The following NCAM2 variants were observed in gnomAD, a reference collection of about 807,000 sequenced individuals.
NCAM2 encodes the protein N-CAM-2.
Under a neutral mutation model 98.1 loss-of-function variants are expected in NCAM2, and 30 were observed. That is an observed-to-expected ratio of 0.31 (90% CI 0.23 to 0.41). The LOEUF is 0.41. Among genes scored for constraint, NCAM2 ranks in the 10% least tolerant of loss-of-function variants. The probability of loss-of-function intolerance (pLI) is 1.00; values close to 1 mark genes in which losing one functional copy is unlikely to be tolerated. For missense variants in NCAM2, 867 were observed against 1,005.8 expected, an observed-to-expected ratio of 0.86 and a Z score of 1.87; for synonymous variants, 368 against 342.4, an observed-to-expected ratio of 1.07 and a Z score of -0.83.
At chr21:21,029,635 A>T (rs955219165) in intron 1 of NCAM2, among the ~76,000 whole-genome samples, 2 of 151,870 alleles carry the variant, frequency 1.3e-5, no homozygotes, top group African/African-American at 2.4e-5. Flanking sequence ...TTGTTTATTT[A>T]TTTTTTATTT....
At chr21:21,132,164 T>C (rs538497325) in intron 1 of NCAM2, among the ~76,000 whole-genome samples, 2 of 152,292 alleles carry the variant, frequency 1.3e-5, no homozygotes, top group African/African-American at 4.8e-5. Flanking sequence ...CATCTTTAAA[T>C]TCATCTCCCT....
At position 20,998,575 on chromosome 21, in the gene NCAM2, C is replaced by T. The variant is rs368840931; in HGVS notation, c.12C>T (p.Leu4=). Residue 4 remains leucine, a synonymous_variant, in exon 1 of 18, where the codon CTC becomes CTT. Coordinates refer to ENST00000400546, the MANE Select transcript of NCAM2 (RefSeq NM_004540.5). ...GTCACGTCCTGAACATGAGCCTCCT[C>T]CTCTCCTTCTACCTGCTGGGGTTGC... MSL[L]LSFYLLGLLV... is the part of the protein sequence containing the mutation. 11 of 1,614,010 alleles carry T rather than the reference C, an allele frequency of 6.8e-6. No individual in the cohort carries two copies. The highest frequency in any genetic ancestry group is 7.6e-6 in the Non-Finnish European group (9 of 1,180,014).
chr21:21,036,477 A>G (rs186498004), intron 1 of NCAM2, among the ~76,000 whole-genome samples: 65 of 152,328 alleles, frequency 4.3e-4, no homozygotes, highest in African/African-American at 1.5e-3. Context: ...ATTTCTGTCT[A>G]TAAAACAAAT....
At chr21:21,371,882 C>T (rs2075923774) in intron 8 of NCAM2, among the ~76,000 whole-genome samples, 2 of 151,734 alleles carry the variant, frequency 1.3e-5, no homozygotes, top group Non-Finnish European at 2.9e-5. Context: ...CACACACACA[C>T]ACACACACAC....
chr21:21,039,539 T>C (rs890365453), intron 1 of NCAM2, among the ~76,000 whole-genome samples: 2 of 152,200 alleles, frequency 1.3e-5, no homozygotes, highest in Non-Finnish European at 2.9e-5. Flanking sequence ...ATACATGTAA[T>C]ACAATATCAC....
chr21:21,234,963 A>G (rs528036488), intron 1 of NCAM2, among the ~76,000 whole-genome samples: 1 of 152,208 alleles, frequency 6.6e-6, no homozygotes, highest in African/African-American at 2.4e-5. Flanking sequence ...GCCTACTTTT[A>G]TAATGGCATA....
intron 1 of NCAM2, among the ~76,000 whole-genome samples, chr21:21,076,284 C>G (rs1352995809): frequency 6.6e-6 from 1 of 151,916 alleles, no homozygotes; most frequent in African/African-American, 2.4e-5. Flanking sequence ...GAAACTTGGT[C>G]CCTTATAATT....
rs140778895 is a variant in NCAM2 at position 21,015,790 on chromosome 21, G to A, written c.55+17172G>A. 4.7e-3 allele frequency among the ~76,000 whole-genome samples: 710 copies of A among 152,128 alleles called. 10 individuals are homozygous for A. Among genetic ancestry groups the A allele is most frequent in the African/African-American group, 0.017 (696 of 41,488 alleles). On this transcript the variant is annotated intron_variant, in intron 1 of 17. Transcript: ENST00000400546. ...ACGATCTCGGCTCACTGCAACCTCC[G>A]CCTCTCGCGTTCAAGCAATTCTCCT... is the stretch of plus-strand genomic sequence containing the variant.
At chr21:21,413,884 T>G (rs1228745150) in intron 10 of NCAM2, among the ~76,000 whole-genome samples, 2 of 152,198 alleles carry the variant, frequency 1.3e-5, no homozygotes, top group African/African-American at 2.4e-5. Context: ...TCATGAAAGA[T>G]CTCTGTGTAG....
At chr21:21,436,854 C>T (rs232404) in intron 12 of NCAM2, among the ~76,000 whole-genome samples, 28 of 151,536 alleles carry the variant, frequency 1.8e-4, no homozygotes, top group African/African-American at 5.6e-4. Flanking sequence ...CTCCGCCTGC[C>T]GGGTTCAAGC....
intron 12 of NCAM2, among the ~76,000 whole-genome samples, chr21:21,436,649 A>G (rs190883760): frequency 1.4e-4 from 21 of 152,178 alleles, no homozygotes; most frequent in Non-Finnish European, 2.9e-4. Context: ...GAATACTGAA[A>G]TTTGGTGGAG....
chr21:21,427,771 GA>G (rs1322377359), intron 11 of NCAM2, among the ~76,000 whole-genome samples: 1 of 152,104 alleles, frequency 6.6e-6, no homozygotes, highest in Non-Finnish European at 1.5e-5. Flanking sequence ...GCTGAACATC[GA>G]TATTGTATCC....
chr21:21,108,681 A>G (rs1163622012), intron 1 of NCAM2, among the ~76,000 whole-genome samples: 1 of 152,128 alleles, frequency 6.6e-6, no homozygotes, highest in African/African-American at 2.4e-5. Flanking sequence ...ATTTTCTTGC[A>G]TTCCTTGGTT....
At chr21:21,524,838 A>G (rs1207034717) in intron 16 of NCAM2, among the ~76,000 whole-genome samples, 1 of 152,158 alleles carries the variant, frequency 6.6e-6, no homozygotes, top group East Asian at 1.9e-4. Context: ...ATGGAATTAT[A>G]CTACAAATAA....
At chr21:21,113,867 G>A (rs994371710) in intron 1 of NCAM2, among the ~76,000 whole-genome samples, 4 of 152,056 alleles carry the variant, frequency 2.6e-5, no homozygotes, top group Admixed American at 1.3e-4. Context: ...TTTTACTATG[G>A]ATATTTATAT....
intron 1 of NCAM2, among the ~76,000 whole-genome samples, chr21:21,024,387 G>A (rs2064497902): frequency 6.6e-6 from 1 of 151,846 alleles, no homozygotes; most frequent in Non-Finnish European, 1.5e-5. Flanking sequence ...AAATCCTGGG[G>A]GGGGAAAAAA....
intron 11 of NCAM2, among the ~76,000 whole-genome samples, chr21:21,429,675 A>G (rs1363038094): frequency 2.6e-5 from 4 of 152,214 alleles, no homozygotes; most frequent in Non-Finnish European, 4.4e-5. Flanking sequence ...TTATTAGAAT[A>G]TTTGAAGGCC....
intron 8 of NCAM2, among the ~76,000 whole-genome samples, chr21:21,356,347 T>C (rs1292806635): frequency 6.6e-6 from 1 of 152,148 alleles, no homozygotes; most frequent in East Asian, 1.9e-4. Flanking sequence ...CGGTTCCTAC[T>C]GTGGATTTAA....
intron 1 of NCAM2, among the ~76,000 whole-genome samples, chr21:21,279,473 C>G (rs2072849835): frequency 6.6e-6 from 1 of 152,188 alleles, no homozygotes; most frequent in Non-Finnish European, 1.5e-5. Flanking sequence ...ATTCTCCTGC[C>G]TCAGGCTCCC....
Sources: gnomAD v4.1 joint callset for allele counts (sites outside exome capture counted in the v4.1 genomes callset) on GRCh38, gnomAD v4.1.1 for gene constraint, MANE v1.5 for transcripts, NCBI Gene and HGNC (gene_info 2026-07-23, HGNC 2026-07-21) for gene names.